Variants in IL23R observed in about 807,000 individuals in gnomAD.
IL23R encodes the protein interleukin-23 receptor.
IL23R carries 34 observed loss-of-function variants against 56.9 expected under a neutral mutation model. The ratio of observed to expected loss-of-function variants is 0.60; its 90% CI spans 0.45 to 0.80. IL23R has a LOEUF of 0.80. Ranked by LOEUF, IL23R falls within the 30% of genes least tolerant of loss-of-function variation. IL23R has a pLI of 0.00. For missense variants in IL23R, 635 were observed against 730.0 expected (o/e 0.87, Z 1.50); for synonymous variants, 230 against 249.2 (o/e 0.92, Z 0.73).
intron 3 of IL23R, among the ~76,000 whole-genome samples, chr1:67,170,453 A>C (rs1646929223): frequency 6.6e-6 from 1 of 152,166 alleles, no homozygotes; most frequent in Non-Finnish European, 1.5e-5. Context: ...AATAATTATT[A>C]ATTTATTTAA....
At chr1:67,220,764 G>A (rs1650185944) in intron 7 of IL23R, among the ~76,000 whole-genome samples, 1 of 152,130 alleles carries the variant, frequency 6.6e-6, no homozygotes, top group Admixed American at 6.5e-5. Flanking sequence ...CCAGCTACTT[G>A]GGGACTACAG....
At position 67,240,277 on chromosome 1, in the gene IL23R, A is replaced by G; in HGVS notation, c.1144A>G (p.Thr382Ala). The G allele has an allele frequency of 6.2e-7, 1 of 1,605,478 alleles. No individual in the cohort carries two copies. The highest frequency in any genetic ancestry group is 2.2e-5 in the East Asian group (1 of 44,798). ...LIGIFNRSFR[T>A]GIKRRILLLI... ...TGGGATATTTAACAGATCATTCCGA[A>G]CTGGGTAGGTTTTTGCAGAATTTCT... The change falls in exon 9 of 11, where the codon ACT becomes GCT. Residue 382 changes from threonine to alanine, a missense_variant. Transcript: ENST00000347310.
chr1:67,224,408 G>A (rs933603833), intron 7 of IL23R, among the ~76,000 whole-genome samples: 5 of 152,170 alleles, frequency 3.3e-5, no homozygotes, highest in African/African-American at 1.2e-4. Flanking sequence ...CCTCTTCCAA[G>A]CAGGACTTTT....
At chr1:67,142,990 G>A (rs1038100660) in intron 1 of IL23R, among the ~76,000 whole-genome samples, 2 of 152,166 alleles carry the variant, frequency 1.3e-5, no homozygotes, top group African/African-American at 4.8e-5. Context: ...TTTCATAAAT[G>A]AGACCACTGA....
intron 2 of IL23R, among the ~76,000 whole-genome samples, 199 bp downstream of exon 2, chr1:67,168,389 T>G (rs778164474): frequency 3.9e-5 from 6 of 152,220 alleles, no homozygotes; most frequent in Non-Finnish European, 8.8e-5. Context: ...CTTTCTCAAA[T>G]TTCCCTTCTA....
intron 8 of IL23R, 112 bp from the exon 9 acceptor site, chr1:67,240,067 C>A: frequency 1.2e-6 from 1 of 811,768 alleles, no homozygotes. Flanking sequence ...TTGCTTCCCC[C>A]CACCCTTTCT....
intron 4 of IL23R, among the ~76,000 whole-genome samples, chr1:67,188,722 G>T (rs1647529611): frequency 6.6e-6 from 1 of 152,124 alleles, no homozygotes; most frequent in Non-Finnish European, 1.5e-5. Flanking sequence ...GATTTTGAAG[G>T]TCTGTTCTTC....
At chr1:67,241,599 G>A (rs1449325925) in intron 9 of IL23R, among the ~76,000 whole-genome samples, 2 of 152,196 alleles carry the variant, frequency 1.3e-5, no homozygotes, top group Non-Finnish European at 2.9e-5. Context: ...TCTGTTCTCA[G>A]CATGTAATTC....
chr1:67,233,938 T>C (rs1177541274), intron 7 of IL23R, among the ~76,000 whole-genome samples: 1 of 112,504 alleles, frequency 8.9e-6, no homozygotes, highest in Non-Finnish European at 1.5e-5. Flanking sequence ...GCTGTGTGTG[T>C]GTGTGTGTGT....
intron 1 of IL23R, among the ~76,000 whole-genome samples, chr1:67,161,148 G>A (rs577255641): frequency 6.6e-6 from 1 of 152,280 alleles, no homozygotes; most frequent in East Asian, 1.9e-4. Flanking sequence ...GAACAAGCGG[G>A]AAGGGGAAGT....
chr1:67,151,977 A>G (rs1224975912), intron 1 of IL23R, among the ~76,000 whole-genome samples: 2 of 152,202 alleles, frequency 1.3e-5, no homozygotes, highest in Non-Finnish European at 2.9e-5. Flanking sequence ...AATTTAAAGT[A>G]GATTTTTCTA....
rs1648746921 is a variant in IL23R at position 67,202,980 on chromosome 1, A to G, written c.652+2083A>G. Among the ~76,000 whole-genome samples, 4 of 152,142 alleles carry G rather than the reference A, an allele frequency of 2.6e-5. No individual in the cohort carries two copies. In the South Asian group the frequency reaches 8.3e-4, roughly 32 times the overall value. ...CAGTTCTCTTGACTATGCTCTATAC[A>G]TTTTTGTGAATTTACATTTTGAGGT... On this transcript the variant is annotated intron_variant, in intron 5 of 10. Coordinates refer to ENST00000347310, the MANE Select transcript of IL23R (RefSeq NM_144701.3).
Position 67,259,307 on chromosome 1 carries a change from A to G in IL23R, c.*179A>G. ...TACCTAGGTAGGGGATTGCTGGGCC[A>G]TATGATAAGCATATGTTTCAGTTCT... On this transcript the variant is annotated 3_prime_UTR_variant, in exon 11 of 11. Coordinates refer to ENST00000347310, the MANE Select transcript of IL23R (RefSeq NM_144701.3). 1 of 641,336 alleles carries G rather than the reference A, an allele frequency of 1.6e-6. No homozygotes were observed. Among genetic ancestry groups the G allele is most frequent in the South Asian group, 1.9e-5 (1 of 53,864 alleles). 39.7% of individuals were successfully genotyped at this position (641,336 alleles called of 1,614,324 possible). A position where few individuals can be genotyped will look rare whatever the true frequency, so the allele number is the denominator to read the frequency against.
chr1:67,199,886 C>G (rs995541616), intron 4 of IL23R, among the ~76,000 whole-genome samples: 1 of 151,902 alleles, frequency 6.6e-6, no homozygotes, highest in African/African-American at 2.4e-5. Context: ...AAAAAGTTAG[C>G]GTTTTTGTCC....
At chr1:67,185,279 C>T (rs918910572) in intron 4 of IL23R, among the ~76,000 whole-genome samples, 1 of 152,090 alleles carries the variant, frequency 6.6e-6, no homozygotes, top group Non-Finnish European at 1.5e-5. Context: ...ACATAGGTTG[C>T]CTGACTGTCT....
chr1:67,213,998 T>C (rs897173643), intron 6 of IL23R, among the ~76,000 whole-genome samples: 15 of 152,158 alleles, frequency 9.9e-5, no homozygotes, highest in African/African-American at 3.4e-4. Flanking sequence ...TAGTAAAGGC[T>C]CAGAGATAGC....
intron 1 of IL23R, among the ~76,000 whole-genome samples, chr1:67,160,300 A>T (rs558457983): frequency 1.3e-5 from 2 of 152,352 alleles, no homozygotes; most frequent in Non-Finnish European, 1.5e-5. Flanking sequence ...ACTGTTGTAT[A>T]CACCAGCAAA....
intron 1 of IL23R, among the ~76,000 whole-genome samples, chr1:67,153,649 T>C (rs914479500): frequency 1.3e-5 from 2 of 152,226 alleles, no homozygotes; most frequent in Admixed American, 6.5e-5. Flanking sequence ...ACATTGTCTC[T>C]CTGTTCTCAT....
intron 4 of IL23R, among the ~76,000 whole-genome samples, chr1:67,184,577 TAAA>T (rs376295271): frequency 1.1e-4 from 1 of 9,458 alleles, no homozygotes; most frequent in Non-Finnish European, 2.0e-4. Context: ...ATAAATAAAA[TAAA>T]ATAAAATAAA....
Sources: allele counts gnomAD v4.1 joint callset (sites outside exome capture counted in the v4.1 genomes callset), GRCh38; gene constraint gnomAD v4.1.1; transcripts MANE v1.5; gene names NCBI Gene and HGNC (gene_info 2026-07-23, HGNC 2026-07-21).